LMOD2: variants seen among roughly 807,000 people sequenced by gnomAD.
LMOD2 encodes leiomodin-2.
In LMOD2, 27 loss-of-function variants were observed where a neutral mutation model predicts 41.7. That is an observed-to-expected ratio of 0.65 (90% CI 0.48 to 0.89). The LOEUF (loss-of-function observed/expected upper bound fraction) is 0.89. LMOD2 is among the 40% of genes least tolerant of loss of function. The pLI, the probability that LMOD2 is intolerant of heterozygous loss-of-function variation, is 0.00. For synonymous variants in LMOD2, 251 were observed against 244.6 expected (o/e 1.03, Z -0.25); for missense variants, 624 against 667.9 (o/e 0.93, Z 0.72).
chr7:123,663,225 A>G (rs780148402), intron 2 of LMOD2, 22 bp downstream of exon 2: 1 of 1,550,366 alleles, frequency 6.5e-7, no homozygotes, highest in Non-Finnish European at 8.7e-7. Context: ...GAGAACAGAC[A>G]TAGGGGCACA....
Position 123,662,231 on chromosome 7 carries a change from A to C in LMOD2, c.645A>C (p.Glu215Asp). Reference protein sequence around the residue: ...KIKSNDPDTTEVNLNNIENIT... With the variant: ...KIKSNDPDTTDVNLNNIENIT... The stretch of plus-strand genomic sequence containing the variant: ...AAAGCAATGACCCTGACACCACAGA[A>C]GTCAATTTGAACAACATTGAGAACA... Residue 215 changes from glutamate to aspartate, a missense_variant, in exon 2 of 3, where the codon GAA (glutamate) becomes GAC (aspartate). Transcript: ENST00000458573. The surrounding 1 kb of genome is among the most constrained non-coding windows in gnomAD (Gnocchi z 4.0). The C allele has an allele frequency of 6.2e-7, 1 of 1,614,016 alleles. No homozygotes were observed. Among genetic ancestry groups the C allele is most frequent in the South Asian group, 1.1e-5 (1 of 91,080 alleles).
intron 1 of LMOD2, among the ~76,000 whole-genome samples, chr7:123,660,587 TC>T (rs1478801912): frequency 8.9e-6 from 1 of 111,970 alleles, no homozygotes; most frequent in Admixed American, 9.1e-5. Context: ...GCCCTCGAGG[TC>T]AAAAAAAAAA....
rs767629170 is a variant in LMOD2 at position 123,662,527 on chromosome 7, T to G, written c.941T>G (p.Val314Gly). 1.2e-5 allele frequency: 19 copies of G among 1,613,208 alleles called. No homozygotes were observed. Among genetic ancestry groups the G allele is most frequent in the Non-Finnish European group, 1.6e-5 (19 of 1,179,760 alleles). ...HNQRHIMGSQ[V>G]EMEIVKLLKE... ...CAGAGGCACATCATGGGCAGCCAGG[T>G]GGAAATGGAGATTGTCAAGCTGCTG... The change falls in exon 2 of 3, where the codon GTG becomes GGG. Residue 314 changes from valine (V) to glycine (G), a missense_variant. By Grantham distance (109) the Val-to-Gly change is moderately radical. Coordinates refer to ENST00000458573, the MANE Select transcript of LMOD2 (RefSeq NM_207163.3). This position sits in a 1 kb window ranked among gnomAD's most constrained non-coding sequence, Gnocchi z 4.0.
In LMOD2 at chr7:123,656,112, T is replaced by G; in HGVS notation, c.149T>G (p.Leu50Arg). 1 of 1,611,250 alleles carries G rather than the reference T, an allele frequency of 6.2e-7. No individual in the cohort carries two copies. Among genetic ancestry groups the G allele is most frequent in the South Asian group, 1.1e-5 (1 of 90,294 alleles). ...IEPDRNLPVG[L>R]RQKSLTEKTP... ...CCTGACCGCAACCTTCCCGTGGGGCTAAGGCAAAAGAGCCTGACAGAGAAA... is the reference window on the plus strand; with the variant it reads ...CCTGACCGCAACCTTCCCGTGGGGCGAAGGCAAAAGAGCCTGACAGAGAAA... The change falls in exon 1 of 3, where the codon CTA becomes CGA. Residue 50 changes from leucine to arginine, a missense_variant. Coordinates refer to ENST00000458573, the MANE Select transcript of LMOD2 (RefSeq NM_207163.3).
rs780450547 is a variant in LMOD2, at chr7:123,662,429, G to A, written c.843G>A (p.Thr281=). ...TNVNVESNFI[T]GKGILAIMRA... is the part of the protein sequence containing the mutation. ...TAAACGTCGAGTCCAACTTCATAAC[G>A]GGAAAGGGGATCCTGGCCATCATGA... Residue 281 remains threonine (T), a synonymous_variant, in exon 2 of 3, where the codon ACG becomes ACA. Transcript: ENST00000458573. The surrounding 1 kb of genome is among the most constrained non-coding windows in gnomAD (Gnocchi z 4.0). 20 of 1,613,832 alleles carry A rather than the reference G, an allele frequency of 1.2e-5. No individual in the cohort carries two copies. In the East Asian group the frequency reaches 2.5e-4, roughly 20 times the overall value.
At chr7:123,657,195 T>C (rs954404833) in intron 1 of LMOD2, among the ~76,000 whole-genome samples, 2 of 152,290 alleles carry the variant, frequency 1.3e-5, no homozygotes, top group African/African-American at 4.8e-5. Flanking sequence ...CAAAAGACTA[T>C]TATTCTCTGG....
At chr7:123,656,420 G>C (rs1802788717) in intron 1 of LMOD2, among the ~76,000 whole-genome samples, 184 bp downstream of exon 1, 1 of 152,124 alleles carries the variant, frequency 6.6e-6, no homozygotes, top group Non-Finnish European at 1.5e-5. Flanking sequence ...CCACCCAATG[G>C]ATCATAATAT....
Position 123,662,271 on chromosome 7 carries a change from C to T in LMOD2, c.685C>T (p.Leu229Phe), listed in dbSNP as rs753471560. ...NNIENITTQT[L>F]TRFAEALKDN... ...CATTGAGAACATCACAACACAGACC[C>T]TTACCCGCTTTGCTGAAGCCCTCAA... Residue 229 changes from leucine to phenylalanine, a missense_variant, in exon 2 of 3, where the codon CTT becomes TTT. Transcript: ENST00000458573. This position sits in a 1 kb window ranked among gnomAD's most constrained non-coding sequence, Gnocchi z 4.0. 5 of 1,613,988 alleles carry T rather than the reference C, an allele frequency of 3.1e-6. No individual in the cohort carries two copies. In the South Asian group the frequency reaches 4.4e-5, roughly 14 times the overall value.
chr7:123,659,582 T>C (rs1428054006), intron 1 of LMOD2, among the ~76,000 whole-genome samples: 1 of 152,248 alleles, frequency 6.6e-6, no homozygotes, highest in Non-Finnish European at 1.5e-5. Context: ...TCTCAGCTGC[T>C]GTTAACCAAT....
In LMOD2 at chr7:123,663,214, A is replaced by T; in HGVS notation, c.1617+11A>T. The T allele has an allele frequency of 6.4e-7, 1 of 1,558,338 alleles. No homozygotes were observed. The highest frequency in any genetic ancestry group is 1.9e-5 in the Admixed American group (1 of 51,478). Reference sequence around the variant, plus strand: ...AAACAGCTAAAGCGGGTAAGTAACCAGAGAACAGACATAGGGGCACAGATA... The same window carrying T: ...AAACAGCTAAAGCGGGTAAGTAACCTGAGAACAGACATAGGGGCACAGATA... On this transcript the variant is annotated intron_variant, in intron 2 of 2. Coordinates refer to ENST00000458573, the MANE Select transcript of LMOD2 (RefSeq NM_207163.3).
rs1482730733 is a variant in LMOD2, at chr7:123,663,743, T to G, written c.1642T>G (p.Ter548GluextTer5). The G allele has an allele frequency of 1.3e-6, 2 of 1,577,502 alleles. No homozygotes were observed. The highest frequency in any genetic ancestry group is 2.3e-5 in the East Asian group (1 of 43,746). The change falls in exon 3 of 3, where the codon TAA becomes GAA. Residue 548 changes from the stop codon to glutamate, a stop_lost. Coordinates refer to ENST00000458573, the MANE Select transcript of LMOD2 (RefSeq NM_207163.3). ...GGTGGAAGTTCCAGAAGCCCTGCGA[T>G]AAAAACATGATCTTTAGAAGAGGAT... ...KRVEVPEALR[*>E]
At position 123,662,007 on chromosome 7, in the gene LMOD2, A is replaced by C; in HGVS notation, c.421A>C (p.Ile141Leu). The change falls in exon 2 of 3, where the codon ATT becomes CTT. Residue 141 changes from isoleucine (I) to leucine (L), a missense_variant. Transcript: ENST00000458573. This position sits in a 1 kb window ranked among gnomAD's most constrained non-coding sequence, Gnocchi z 4.0. ...EEDSDEEERT[I>L]ETAKGINGTV... Reference sequence around the variant, plus strand: ...AGACAGTGACGAAGAGGAAAGAACAATTGAAACTGCAAAAGGGATTAATGG... The same window carrying C: ...AGACAGTGACGAAGAGGAAAGAACACTTGAAACTGCAAAAGGGATTAATGG... 1 of 1,566,458 alleles carries C rather than the reference A, an allele frequency of 6.4e-7. No individual in the cohort carries two copies. The highest frequency in any genetic ancestry group is 2.4e-5 in the East Asian group (1 of 42,552).
Position 123,662,816 on chromosome 7 carries a change from G to A in LMOD2, c.1230G>A (p.Val410=), listed in dbSNP as rs1486918819. The change falls in exon 2 of 3, where the codon GTG becomes GTA. Residue 410 remains valine (V), a synonymous_variant. Coordinates refer to ENST00000458573, the MANE Select transcript of LMOD2 (RefSeq NM_207163.3). This position sits in a 1 kb window ranked among gnomAD's most constrained non-coding sequence, Gnocchi z 4.0. Reference sequence around the variant, plus strand: ...AACTCCCCAAAAAAGTCCAGACTGTGAGGAGCCGTCCTCTGTCTCCTGTGG... The same window carrying A: ...AACTCCCCAAAAAAGTCCAGACTGTAAGGAGCCGTCCTCTGTCTCCTGTGG... ...SPKLPKKVQT[V]RSRPLSPVAT... is the part of the protein sequence containing the mutation. 4 of 1,613,160 alleles carry A rather than the reference G, an allele frequency of 2.5e-6. No individual in the cohort carries two copies. Among genetic ancestry groups the A allele is most frequent in the Non-Finnish European group, 3.4e-6 (4 of 1,179,710 alleles).
rs775992879 is a variant in LMOD2, at chr7:123,662,228, A to T, written c.642A>T (p.Thr214=). The T allele has an allele frequency of 1.2e-6, 2 of 1,614,028 alleles. No homozygotes were observed. Among genetic ancestry groups the T allele is most frequent in the Non-Finnish European group, 1.7e-6 (2 of 1,179,900 alleles). The change falls in exon 2 of 3, where the codon ACA becomes ACT. Residue 214 remains threonine (T), a synonymous_variant. Coordinates refer to ENST00000458573, the MANE Select transcript of LMOD2 (RefSeq NM_207163.3). The surrounding 1 kb of genome is among the most constrained non-coding windows in gnomAD (Gnocchi z 4.0). The part of the protein sequence containing the change: ...DKIKSNDPDT[T]EVNLNNIENI... The stretch of plus-strand genomic sequence containing the variant: ...TTAAAAGCAATGACCCTGACACCAC[A>T]GAAGTCAATTTGAACAACATTGAGA...
chr7:123,656,012 G>A lies in LMOD2; in HGVS notation c.49G>A (p.Asp17Asn), dbSNP rs747550220. 3.6e-5 allele frequency: 58 copies of A among 1,609,290 alleles called. No individual in the cohort carries two copies. Among genetic ancestry groups the A allele is most frequent in the Middle Eastern group, 1.6e-4 (1 of 6,080 alleles). ...RRGLSKYESIDEDELLASLSA... is the reference protein window; with the variant it reads ...RRGLSKYESINEDELLASLSA... ...AGGACTCAGTAAATACGAATCCATC[G>A]ACGAGGATGAACTCCTCGCCTCCCT... Residue 17 changes from aspartate to asparagine, a missense_variant, in exon 1 of 3, where the codon GAC becomes AAC. By Grantham distance (23) the Asp-to-Asn change is conservative (BLOSUM62 1). Transcript: ENST00000458573.
At chr7:123,661,045 G>C (rs374993991) in intron 1 of LMOD2, among the ~76,000 whole-genome samples, 4 of 152,306 alleles carry the variant, frequency 2.6e-5, no homozygotes, top group Admixed American at 6.5e-5. Context: ...GGACTAGTTG[G>C]AGGTTTCAAG....
chr7:123,662,561 C>A lies in LMOD2; in HGVS notation c.975C>A (p.Asn325Lys), dbSNP rs779106688. 19 of 1,613,822 alleles carry A rather than the reference C, an allele frequency of 1.2e-5. No individual in the cohort carries two copies. Among genetic ancestry groups the A allele is most frequent in the Non-Finnish European group, 1.2e-5 (14 of 1,179,898 alleles). ...AGATTGTCAAGCTGCTGAAGGAGAA[C>A]ACGACGCTGCTGAGGCTGGGATACC... ...EMEIVKLLKE[N>K]TTLLRLGYHF... Residue 325 changes from asparagine (N) to lysine (K), a missense_variant, in exon 2 of 3, where the codon AAC becomes AAA. Physicochemically the swap from Asn to Lys is moderately conservative, Grantham distance 94. Coordinates refer to ENST00000458573, the MANE Select transcript of LMOD2 (RefSeq NM_207163.3). This position sits in a 1 kb window ranked among gnomAD's most constrained non-coding sequence, Gnocchi z 4.0.
At chr7:123,657,868 T>G (rs1584841382) in intron 1 of LMOD2, among the ~76,000 whole-genome samples, 1 of 138,356 alleles carries the variant, frequency 7.2e-6, no homozygotes, top group South Asian at 2.4e-4. Context: ...TAGCAGGTGG[T>G]AGTCCCAGCT....
intron 1 of LMOD2, among the ~76,000 whole-genome samples, chr7:123,659,422 G>C (rs1253730296): frequency 1.3e-5 from 2 of 152,126 alleles, no homozygotes; most frequent in African/African-American, 4.8e-5. Flanking sequence ...TTCCCCTTCT[G>C]TTCTTTCTCC....
Sources: gnomAD v4.1 joint callset for allele counts (sites outside exome capture counted in the v4.1 genomes callset) on GRCh38, gnomAD v4.1.1 for gene constraint, Gnocchi (gnomAD v3.1) non-coding constraint, MANE v1.5 for transcripts, NCBI Gene and HGNC (gene_info 2026-07-23, HGNC 2026-07-21) for gene names.